Variants in FYCO1 observed in about 807,000 individuals in gnomAD.
The protein encoded by FYCO1 is FYVE and coiled-coil domain-containing protein 1.
A neutral mutation model predicts 165.1 loss-of-function variants in FYCO1; 122 were observed. The ratio of observed to expected loss-of-function variants is 0.74; its 90% CI spans 0.64 to 0.86. The LOEUF is 0.86. Among genes scored for constraint, FYCO1 ranks in the 40% least tolerant of loss-of-function variants. The pLI is 0.00. For synonymous variants in FYCO1, 648 were observed against 742.5 expected (o/e 0.87, Z 2.07); for missense variants, 1,702 against 1,810.3 (o/e 0.94, Z 1.09).
At chr3:45,936,657 C>T in intron 14 of FYCO1, 114 bp from the exon 15 acceptor site, 1 of 780,910 alleles carries the variant, frequency 1.3e-6, no homozygotes, top group Non-Finnish European at 2.3e-6. Flanking sequence ...CATGGGGGAT[C>T]CTTTAATCAT....
Position 45,959,386 on chromosome 3 carries a change from T to C in FYCO1, c.3587+7A>G, listed in dbSNP as rs768837688. The C allele has an allele frequency of 2.5e-6, 4 of 1,613,860 alleles. No individual in the cohort carries two copies. The South Asian group carries it at 4.4e-5, about 18-fold the overall frequency. Reference sequence around the variant, plus strand: ...TGTTGGTGCCAACCCACGAGCTCCCTGCTGACCTGCAGTGGTGCCGCCGCA... The same window carrying C: ...TGTTGGTGCCAACCCACGAGCTCCCCGCTGACCTGCAGTGGTGCCGCCGCA... On this transcript the variant is annotated splice_region_variant and intron_variant, in intron 12 of 17. Coordinates refer to ENST00000296137, the MANE Select transcript of FYCO1 (RefSeq NM_024513.4).
intron 14 of FYCO1, chr3:45,946,077 C>T: frequency 5.5e-6 from 1 of 182,240 alleles, no homozygotes; most frequent in Non-Finnish European, 1.2e-5. Flanking sequence ...TTGATGAGCT[C>T]ATATTATCAG....
rs763453973 is a variant in FYCO1 at position 45,967,032 on chromosome 3, C to A, written c.2302G>T (p.Ala768Ser). Reference sequence around the variant, plus strand: ...GCCTGAGACAGGGCTAGCTGGGCAGCCAGCTCACGGGCTTCATTGTCAGTG... The same window carrying A: ...GCCTGAGACAGGGCTAGCTGGGCAGACAGCTCACGGGCTTCATTGTCAGTG... ...PPTDNEAREL[A>S]AQLALSQAQL... Residue 768 changes from alanine (A) to serine (S), a missense_variant, in exon 8 of 18, where the codon GCT becomes TCT. Coordinates refer to ENST00000296137, the MANE Select transcript of FYCO1 (RefSeq NM_024513.4). 67 of 1,613,240 alleles carry A rather than the reference C, an allele frequency of 4.2e-5. No individual in the cohort carries two copies. The African/African-American group carries it at 6.0e-4, about 14-fold the overall frequency.
At chr3:45,982,671 C>A (rs1407603293) in intron 2 of FYCO1, among the ~76,000 whole-genome samples, 1 of 152,194 alleles carries the variant, frequency 6.6e-6, no homozygotes. Flanking sequence ...GCTTCTCTGG[C>A]AATTCTTAAA....
intron 13 of FYCO1, 89 bp from the exon 14 acceptor site, chr3:45,955,482 G>T: frequency 1.4e-6 from 2 of 1,390,740 alleles, no homozygotes; most frequent in South Asian, 1.2e-5. Context: ...GTGAGAGAGT[G>T]CAGCTATGCA....
At chr3:45,994,718 G>T (rs1223275015) in intron 1 of FYCO1, among the ~76,000 whole-genome samples, 1 of 151,178 alleles carries the variant, frequency 6.6e-6, no homozygotes, top group Non-Finnish European at 1.5e-5. Context: ...TAAGCTTGCA[G>T]CCTGAGACCA....
chr3:45,947,878 A>G (rs1704736911), intron 14 of FYCO1: 1 of 242,168 alleles, frequency 4.1e-6, no homozygotes, highest in South Asian at 7.9e-5. Flanking sequence ...TAGGTGGCAC[A>G]CTGGGTGCCC....
intron 7 of FYCO1, 77 bp downstream of exon 7, chr3:45,969,598 A>C: frequency 9.0e-7 from 1 of 1,111,354 alleles, no homozygotes; most frequent in Non-Finnish European, 1.4e-6. Flanking sequence ...TGAGAACATC[A>C]CCCTTGAGTT....
intron 12 of FYCO1, among the ~76,000 whole-genome samples, chr3:45,959,131 G>C (rs1459675258): frequency 6.6e-6 from 1 of 152,226 alleles, no homozygotes; most frequent in Non-Finnish European, 1.5e-5. Context: ...GCTAGTCTCT[G>C]GGTATGCCCC....
intron 16 of FYCO1, among the ~76,000 whole-genome samples, chr3:45,927,875 A>G (rs1438045157): frequency 2.0e-5 from 3 of 152,284 alleles, no homozygotes; most frequent in African/African-American, 4.8e-5. Flanking sequence ...TACCTTGATT[A>G]CAAGCAACAT....
chr3:45,920,730 A>T lies in FYCO1; in HGVS notation c.*1035T>A, dbSNP rs576270469. The T allele has an allele frequency of 6.6e-6, 1 of 152,668 alleles. No homozygotes were observed. The highest frequency in any genetic ancestry group is 2.4e-5 in the African/African-American group (1 of 41,508). The allele number at this position is 152,668 out of a possible 1,614,324, so 9.5% of individuals were successfully genotyped here. The stretch of plus-strand genomic sequence containing the variant: ...CCAGGGATCCATCATGCCTCTGTTT[A>T]CTCTGTTACTTTGGTTCTTAAGTTA... On this transcript the variant is annotated 3_prime_UTR_variant, in exon 18 of 18. Transcript: ENST00000296137.
intron 14 of FYCO1, among the ~76,000 whole-genome samples, chr3:45,952,024 G>C (rs1249773764): frequency 1.3e-5 from 2 of 152,188 alleles, no homozygotes; most frequent in Non-Finnish European, 2.9e-5. Flanking sequence ...CAGTGGACTG[G>C]AGTCTAAAGC....
rs1703473801 is a variant in FYCO1 at position 45,929,237 on chromosome 3, C to T, written c.4251+1834G>A. On this transcript the variant is annotated intron_variant, in intron 16 of 17. Transcript: ENST00000296137. ...ATCCTGTACACGGGCCCCTTCTGCCCCCTGGTGTCACTGTGGGGAAAGGCA... is the reference window on the plus strand; with the variant it reads ...ATCCTGTACACGGGCCCCTTCTGCCTCCTGGTGTCACTGTGGGGAAAGGCA... 2.6e-5 allele frequency among the ~76,000 whole-genome samples: 4 copies of T among 152,232 alleles called. No individual in the cohort carries two copies. The South Asian group carries it at 8.3e-4, about 32-fold the overall frequency.
chr3:45,931,387 T>G (rs934878382), intron 15 of FYCO1, 106 bp from the exon 16 acceptor site: 2 of 1,040,692 alleles, frequency 1.9e-6, no homozygotes, highest in Admixed American at 2.0e-5. Context: ...CGGAGACTCT[T>G]GAGAGGACAA....
chr3:45,935,408 G>A (rs767377442), intron 15 of FYCO1, among the ~76,000 whole-genome samples: 3 of 152,168 alleles, frequency 2.0e-5, no homozygotes, highest in Admixed American at 6.5e-5. Flanking sequence ...GGCCAACAAG[G>A]CCCTATGTGC....
Position 45,993,809 on chromosome 3 carries a change from C to T in FYCO1, c.-113+1913G>A, listed in dbSNP as rs1707667832. The stretch of plus-strand genomic sequence containing the variant: ...GCTAGACAACACACTTCCTCTGCCT[C>T]ATGTTTAAAGACATTCTAGTCTTGA... On this transcript the variant is annotated intron_variant, in intron 1 of 17. Transcript: ENST00000296137. The surrounding 1 kb of genome is among the most constrained non-coding windows in gnomAD (Gnocchi z 4.4). Among the ~76,000 whole-genome samples the T allele has an allele frequency of 6.6e-6, 1 of 151,918 alleles. No homozygotes were observed. Among genetic ancestry groups the T allele is most frequent in the Non-Finnish European group, 1.5e-5 (1 of 67,990 alleles).
At position 45,968,520 on chromosome 3, in the gene FYCO1, C is replaced by T. The variant is rs146095470; in HGVS notation, c.814G>A (p.Glu272Lys). 3.1e-6 allele frequency: 5 copies of T among 1,614,038 alleles called. No homozygotes were observed. The highest frequency in any genetic ancestry group is 4.5e-5 in the East Asian group (2 of 44,886). ...ELRAAVSQQG[E>K]QLQTERERGR... ...CTCTCCCTCTCTGTCTGCAGTTGCT[C>T]CCCTTGCTGGCTGACAGCTGCCCTC... Residue 272 changes from glutamate to lysine, a missense_variant, in exon 8 of 18, where the codon GAG (glutamate) becomes AAG (lysine). Coordinates refer to ENST00000296137, the MANE Select transcript of FYCO1 (RefSeq NM_024513.4).
intron 14 of FYCO1, among the ~76,000 whole-genome samples, chr3:45,952,142 T>C (rs1434731606): frequency 6.6e-6 from 1 of 152,214 alleles, no homozygotes; most frequent in African/African-American, 2.4e-5. Flanking sequence ...GCACAGGGAC[T>C]AGTGAGGTCA....
intron 1 of FYCO1, among the ~76,000 whole-genome samples, chr3:45,995,466 G>C (rs1707761524): frequency 6.6e-6 from 1 of 152,236 alleles, no homozygotes; most frequent in Admixed American, 6.5e-5. Context: ...TCTTGGAACT[G>C]GTGTTTGGGG....
Sources: gnomAD v4.1 joint callset for allele counts (sites outside exome capture counted in the v4.1 genomes callset) on GRCh38, gnomAD v4.1.1 for gene constraint, Gnocchi (gnomAD v3.1) non-coding constraint, MANE v1.5 for transcripts, NCBI Gene and HGNC (gene_info 2026-07-23, HGNC 2026-07-21) for gene names.